The following GREB1L variants were observed in gnomAD, a reference collection of about 807,000 sequenced individuals.
The protein encoded by GREB1L is GREB1-like protein.
Under a neutral mutation model 200.8 loss-of-function variants are expected in GREB1L, and 17 were observed. The observed-to-expected ratio is 0.08, with a 90% CI of 0.06 to 0.13. GREB1L has a LOEUF of 0.13. Ranked by LOEUF, GREB1L falls within the 10% of genes least tolerant of loss-of-function variation. The pLI is 1.00. For synonymous variants in GREB1L, 789 were observed against 893.0 expected (o/e 0.88, Z 2.08); for missense variants, 1,657 against 2,367.7 (o/e 0.70, Z 6.23).
intron 15 of GREB1L, among the ~76,000 whole-genome samples, chr18:21,462,669 C>T (rs1234169508): frequency 2.6e-5 from 4 of 152,068 alleles, no homozygotes; most frequent in African/African-American, 4.8e-5. Context: ...AGGCTGGTCT[C>T]GAACCACTGA....
intron 17 of GREB1L, among the ~76,000 whole-genome samples, chr18:21,480,582 C>T (rs2035877987): frequency 6.6e-6 from 1 of 152,156 alleles, no homozygotes; most frequent in Non-Finnish European, 1.5e-5. Context: ...AAGGGAGAAG[C>T]TCCTGATGAT....
At position 21,245,732 on chromosome 18, in the gene GREB1L, G is replaced by GTTTTGTTTTGTTTTA. The variant is rs556202689; in HGVS notation, c.-120+3342_-120+3343insTGTTTTGTTTTATTT. On this transcript the variant is annotated intron_variant, in intron 1 of 32. Transcript: ENST00000424526. ...GTTTTGTTTTGTTTTGTTTTGTTTT[G>GTTTTGTTTTGTTTTA]TTTGAGACGAAGTCTTGCTTTGCCA... Among the ~76,000 whole-genome samples, 262 of 151,106 alleles carry GTTTTGTTTTGTTTTA rather than the reference G, an allele frequency of 1.7e-3. 4 individuals carry two copies. Among genetic ancestry groups the GTTTTGTTTTGTTTTA allele is most frequent in the African/African-American group, 6.0e-3 (246 of 40,834 alleles).
chr18:21,440,866 A>G (rs1332004121), intron 9 of GREB1L, among the ~76,000 whole-genome samples: 1 of 152,244 alleles, frequency 6.6e-6, no homozygotes, highest in Non-Finnish European at 1.5e-5. Context: ...TTGCTGAACA[A>G]ACCACAGACA....
chr18:21,418,877 A>AT (rs935992658), intron 7 of GREB1L, among the ~76,000 whole-genome samples: 5 of 152,194 alleles, frequency 3.3e-5, no homozygotes, highest in African/African-American at 1.2e-4. Context: ...TTTATTGACT[A>AT]TTTTTTTAAA....
At chr18:21,345,373 T>A (rs1365485313) in intron 1 of GREB1L, among the ~76,000 whole-genome samples, 1 of 152,216 alleles carries the variant, frequency 6.6e-6, no homozygotes, top group East Asian at 1.9e-4. Context: ...GGTAGGAGGC[T>A]GCAGTAATCC....
intron 1 of GREB1L, among the ~76,000 whole-genome samples, chr18:21,323,271 A>C (rs892561682): frequency 3.3e-5 from 5 of 152,132 alleles, no homozygotes; most frequent in African/African-American, 1.2e-4. Flanking sequence ...TGGGTGACAG[A>C]GTGAGACCCT....
At chr18:21,493,303 T>C (rs1353486912) in intron 19 of GREB1L, among the ~76,000 whole-genome samples, 2 of 152,188 alleles carry the variant, frequency 1.3e-5, no homozygotes, top group Non-Finnish European at 2.9e-5. Flanking sequence ...GGATACAAAG[T>C]TTAAGTCAGT....
At chr18:21,342,278 T>C (rs1166477811) in intron 1 of GREB1L, among the ~76,000 whole-genome samples, 4 of 152,296 alleles carry the variant, frequency 2.6e-5, no homozygotes, top group Admixed American at 6.5e-5. Flanking sequence ...AAGGCCACTG[T>C]GTCTGGTTGG....
At chr18:21,304,431 G>A (rs1189200393) in intron 1 of GREB1L, among the ~76,000 whole-genome samples, 1 of 151,926 alleles carries the variant, frequency 6.6e-6, no homozygotes, top group Non-Finnish European at 1.5e-5. Flanking sequence ...ACTATGTGAG[G>A]CACAACAGCC....
At chr18:21,413,093 C>A (rs571037431) in intron 7 of GREB1L, among the ~76,000 whole-genome samples, 1 of 152,288 alleles carries the variant, frequency 6.6e-6, no homozygotes, top group Non-Finnish European at 1.5e-5. Context: ...ATGTCCAACA[C>A]TTTTCCTTCC....
rs147054855 is a variant in GREB1L at position 21,453,564 on chromosome 18, G to A, written c.1985-802G>A. On this transcript the variant is annotated intron_variant, in intron 14 of 32. Coordinates refer to ENST00000424526, the MANE Select transcript of GREB1L (RefSeq NM_001142966.3). Reference sequence around the variant, plus strand: ...ATTGTGTGTGTGGATGTGCATGCACGTATAAGAAAGATTGATCGCTTGATT... The same window carrying A: ...ATTGTGTGTGTGGATGTGCATGCACATATAAGAAAGATTGATCGCTTGATT... Among the ~76,000 whole-genome samples, 13 of 152,314 alleles carry A rather than the reference G, an allele frequency of 8.5e-5. No individual in the cohort carries two copies. The East Asian group carries it at 2.5e-3, about 29-fold the overall frequency.
rs1408112786 is a variant in GREB1L, at chr18:21,452,114, G to A, written c.1881G>A (p.Met627Ile). Residue 627 changes from methionine (M) to isoleucine (I), a missense_variant, in exon 14 of 33, where the codon ATG becomes ATA. Physicochemically the swap from Met to Ile is conservative, Grantham distance 10 (BLOSUM62 1). Around this residue, in one of 9 missense-constraint regions of GREB1L, gnomAD observed 239 missense variants for 421.8 expected, o/e 0.57. Transcript: ENST00000424526. ...GDDLDKLLEK[M>I]QQRRGDSVVT... ...ACCTAGACAAGCTGCTGGAAAAAAT[G>A]CAACAAAGAAGAGGAGACAGTGTGG... 24 of 1,552,036 alleles carry A rather than the reference G, an allele frequency of 1.5e-5. No individual in the cohort carries two copies. The highest frequency in any genetic ancestry group is 1.7e-4 in the Middle Eastern group (1 of 6,016).
At chr18:21,358,198 T>A (rs2039532296) in intron 1 of GREB1L, among the ~76,000 whole-genome samples, 1 of 152,200 alleles carries the variant, frequency 6.6e-6, no homozygotes, top group Admixed American at 6.5e-5. Context: ...ATTTTTTTTT[T>A]ATTTTGTAGC....
intron 1 of GREB1L, among the ~76,000 whole-genome samples, chr18:21,357,450 T>C (rs1421108766): frequency 1.3e-5 from 2 of 152,208 alleles, no homozygotes; most frequent in African/African-American, 4.8e-5. Context: ...GCCCTGTTGA[T>C]TGTTTCCTTG....
At chr18:21,483,515 C>T (rs766367745) in intron 17 of GREB1L, among the ~76,000 whole-genome samples, 7 of 152,182 alleles carry the variant, frequency 4.6e-5, no homozygotes, top group African/African-American at 1.7e-4. Context: ...TCTCTAGGAA[C>T]ATATTCCGGT....
rs10581600 is a variant in GREB1L, at chr18:21,455,319, A to AACACAC, written c.2182+775_2182+780dup. On this transcript the variant is annotated intron_variant, in intron 15 of 32. Coordinates refer to ENST00000424526, the MANE Select transcript of GREB1L (RefSeq NM_001142966.3). ...GCTTCTGATTACCTTAGCTGAGGAA[A>AACACAC]ACACACACACACACACACACACACG... 7.2e-3 allele frequency among the ~76,000 whole-genome samples: 1,083 copies of AACACAC among 150,720 alleles called. 8 individuals carry two copies. The highest frequency in any genetic ancestry group is 0.023 in the East Asian group (118 of 5,138).
At position 21,516,721 on chromosome 18, in the gene GREB1L, G is replaced by A; in HGVS notation, c.5238G>A (p.Gly1746=). Residue 1746 remains glycine (G), a synonymous_variant, in exon 30 of 33, where the codon GGG becomes GGA. Transcript: ENST00000424526. The stretch of plus-strand genomic sequence containing the variant: ...TGAAGAAACATGTTCAGGTTGGAGG[G>A]CAAAGGGACTTTATCATTAAACCAA... ...SLMKKHVQVG[G]QRDFIIKPKI... is the part of the protein sequence containing the mutation. 6.4e-7 allele frequency: 1 copy of A among 1,551,496 alleles called. No individual in the cohort carries two copies. Among genetic ancestry groups the A allele is most frequent in the Non-Finnish European group, 8.7e-7 (1 of 1,146,864 alleles).
At chr18:21,359,139 C>T (rs2039547096) in intron 1 of GREB1L, among the ~76,000 whole-genome samples, 1 of 152,144 alleles carries the variant, frequency 6.6e-6, no homozygotes, top group Non-Finnish European at 1.5e-5. Context: ...CTTGAGTATC[C>T]AAATATTTTC....
intron 21 of GREB1L, among the ~76,000 whole-genome samples, chr18:21,498,471 C>T (rs376298341): frequency 2.0e-4 from 30 of 152,200 alleles, no homozygotes; most frequent in East Asian, 1.2e-3. Context: ...TAAAGGTTCA[C>T]AGAAGGGGGG....
Sources: allele counts gnomAD v4.1 joint callset (sites outside exome capture counted in the v4.1 genomes callset), GRCh38; gene constraint gnomAD v4.1.1; regional missense constraint gnomAD v4.1.1; transcripts MANE v1.5; gene names NCBI Gene and HGNC (gene_info 2026-07-23, HGNC 2026-07-21).